NEDD4: variants seen among roughly 807,000 people sequenced by gnomAD.
The protein encoded by NEDD4 is E3 ubiquitin-protein ligase NEDD4.
Under a neutral mutation model 144.9 loss-of-function variants are expected in NEDD4, and 99 were observed. The ratio of observed to expected loss-of-function variants is 0.68; its 90% CI spans 0.58 to 0.81. The LOEUF (loss-of-function observed/expected upper bound fraction) is 0.81. NEDD4 is among the 30% of genes least tolerant of loss of function. NEDD4 has a pLI of 0.00. For synonymous variants in NEDD4, 318 were observed against 350.6 expected, an observed-to-expected ratio of 0.91 and a Z score of 1.04; for missense variants, 985 against 1,065.9, an observed-to-expected ratio of 0.92 and a Z score of 1.06.
chr15:55,867,765 T>G (rs1423875457), intron 8 of NEDD4, among the ~76,000 whole-genome samples: 3 of 152,160 alleles, frequency 2.0e-5, no homozygotes, highest in Non-Finnish European at 2.9e-5. Context: ...AGAAAAAAGG[T>G]TCTTTCCTGG....
At chr15:55,989,591 A>T (rs1268384035) in intron 1 of NEDD4, among the ~76,000 whole-genome samples, 1 of 152,182 alleles carries the variant, frequency 6.6e-6, no homozygotes, top group Admixed American at 6.5e-5. Flanking sequence ...AGGGGCATCT[A>T]TTATTCTGTA....
intron 5 of NEDD4, among the ~76,000 whole-genome samples, chr15:55,920,328 C>G (rs2036546243): frequency 6.6e-6 from 1 of 152,082 alleles, no homozygotes; most frequent in Non-Finnish European, 1.5e-5. Flanking sequence ...GTGAGAAGCA[C>G]AGGGTCTCCA....
At chr15:55,914,710 G>T (rs189930374) in intron 5 of NEDD4, among the ~76,000 whole-genome samples, 2 of 151,940 alleles carry the variant, frequency 1.3e-5, no homozygotes, top group Admixed American at 1.3e-4. Context: ...TAAACATGCA[G>T]CATAATAGTT....
chr15:55,967,722 A>C (rs907973111), intron 1 of NEDD4, among the ~76,000 whole-genome samples: 1 of 152,174 alleles, frequency 6.6e-6, no homozygotes, highest in Non-Finnish European at 1.5e-5. Flanking sequence ...AACTTCATAG[A>C]TAACATTATA....
chr15:55,909,696 T>A (rs148157289), intron 5 of NEDD4, among the ~76,000 whole-genome samples: 188 of 152,162 alleles, frequency 1.2e-3, no homozygotes, highest in Non-Finnish European at 2.0e-3. Context: ...CTGTCACCTG[T>A]GATGTAAAGG....
intron 1 of NEDD4, among the ~76,000 whole-genome samples, chr15:55,991,131 T>C (rs1363694279): frequency 6.6e-6 from 1 of 152,262 alleles, no homozygotes; most frequent in South Asian, 2.1e-4. Context: ...TTTTTCTCCC[T>C]GTTTTAGTTT....
intron 5 of NEDD4, among the ~76,000 whole-genome samples, chr15:55,887,888 G>C (rs1201842178): frequency 2.0e-4 from 31 of 152,072 alleles, no homozygotes; most frequent in African/African-American, 5.6e-4. Flanking sequence ...ATTATAAACA[G>C]AATGATCATT....
chr15:55,954,976 T>C (rs1183911232), intron 2 of NEDD4, among the ~76,000 whole-genome samples: 4 of 151,570 alleles, frequency 2.6e-5, no homozygotes, highest in Non-Finnish European at 4.4e-5. Flanking sequence ...TACCCTATTT[T>C]GCACTGCACT....
chr15:55,951,977 G>C (rs1348445710), intron 2 of NEDD4, among the ~76,000 whole-genome samples: 1 of 151,634 alleles, frequency 6.6e-6, no homozygotes, highest in African/African-American at 2.4e-5. Flanking sequence ...TATCTCATGG[G>C]TGTAAACTCT....
chr15:55,923,273 A>C (rs968202656), intron 5 of NEDD4, among the ~76,000 whole-genome samples: 87 of 152,214 alleles, frequency 5.7e-4, no homozygotes, highest in Non-Finnish European at 8.2e-4. Context: ...AACAAGCAAA[A>C]ACACAGACAG....
intron 6 of NEDD4, 131 bp from the exon 7 acceptor site, chr15:55,872,607 A>G: frequency 2.7e-6 from 1 of 366,580 alleles, no homozygotes; most frequent in Middle Eastern, 4.5e-4. Flanking sequence ...GCTTTAGTTT[A>G]TCAAATGCTA....
intron 1 of NEDD4, among the ~76,000 whole-genome samples, chr15:55,970,089 C>T (rs1467750129): frequency 6.6e-6 from 1 of 151,748 alleles, no homozygotes; most frequent in Non-Finnish European, 1.5e-5. Flanking sequence ...ATTAAAGAGA[C>T]GTTGGGCCCT....
At chr15:55,924,500 T>A in intron 5 of NEDD4, 146 bp downstream of exon 5, 1 of 641,402 alleles carries the variant, frequency 1.6e-6, no homozygotes, top group South Asian at 2.0e-5. Flanking sequence ...AGAAAACAAA[T>A]TCTATCTCCC....
intron 17 of NEDD4, 106 bp downstream of exon 17, chr15:55,848,266 A>T: frequency 9.6e-7 from 1 of 1,039,582 alleles, no homozygotes; most frequent in Non-Finnish European, 1.5e-6. Flanking sequence ...AGAACGGCCA[A>T]TGTGCTTTCC....
intron 24 of NEDD4, among the ~76,000 whole-genome samples, chr15:55,835,519 A>G (rs1465024417): frequency 6.7e-6 from 1 of 148,914 alleles, no homozygotes; most frequent in East Asian, 2.0e-4. Flanking sequence ...GTCTCTCTCC[A>G]CATGTGAGGC....
At chr15:55,942,647 T>C (rs959224946) in intron 4 of NEDD4, among the ~76,000 whole-genome samples, 20 of 152,170 alleles carry the variant, frequency 1.3e-4, no homozygotes, top group African/African-American at 4.8e-4. Flanking sequence ...TGTGAGTCAA[T>C]TACAGCCGTT....
chr15:55,912,390 G>A (rs1315778931), intron 5 of NEDD4, among the ~76,000 whole-genome samples: 7 of 151,862 alleles, frequency 4.6e-5, no homozygotes, highest in African/African-American at 1.2e-4. Context: ...TACTATACTA[G>A]GCTTAAGCAA....
At chr15:55,867,261 GTAAA>G (rs2034617718) in intron 8 of NEDD4, among the ~76,000 whole-genome samples, 1 of 152,086 alleles carries the variant, frequency 6.6e-6, no homozygotes, top group Non-Finnish European at 1.5e-5. Context: ...TACACAGAAG[GTAAA>G]TAAGCACAGA....
intron 1 of NEDD4, among the ~76,000 whole-genome samples, chr15:55,976,806 T>C (rs1326995504): frequency 6.8e-6 from 1 of 147,942 alleles, no homozygotes; most frequent in African/African-American, 2.5e-5. Flanking sequence ...TTTTTTTTTT[T>C]GTATTTTTAG....
Sources: gnomAD v4.1 joint callset for allele counts (sites outside exome capture counted in the v4.1 genomes callset) on GRCh38, gnomAD v4.1.1 for gene constraint, MANE v1.5 for transcripts, NCBI Gene and HGNC (gene_info 2026-07-23, HGNC 2026-07-21) for gene names.